The following ITGA2 variants were observed in gnomAD, a reference collection of about 807,000 sequenced individuals.
The protein encoded by ITGA2 is integrin subunit alpha 2.
Under a neutral mutation model 146.3 loss-of-function variants are expected in ITGA2, and 101 were observed. That is an observed-to-expected ratio of 0.69 (90% CI 0.59 to 0.81). ITGA2 has a LOEUF of 0.81. Ranked by LOEUF, ITGA2 falls within the 40% of genes least tolerant of loss-of-function variation. The pLI, the probability that ITGA2 is intolerant of heterozygous loss-of-function variation, is 0.00. For missense variants in ITGA2, 1,281 were observed against 1,402.7 expected (o/e 0.91, Z 1.39); for synonymous variants, 477 against 487.1 (o/e 0.98, Z 0.27).
chr5:53,026,059 G>A (rs1164449340), intron 1 of ITGA2, among the ~76,000 whole-genome samples: 5 of 152,122 alleles, frequency 3.3e-5, no homozygotes, highest in Admixed American at 1.3e-4. Context: ...TCAGAAAGAA[G>A]CATCAAAAAC....
intron 14 of ITGA2, among the ~76,000 whole-genome samples, chr5:53,065,512 A>G (rs1049615750): frequency 4.6e-5 from 7 of 151,896 alleles, no homozygotes; most frequent in South Asian, 2.1e-4. Context: ...TGAGCAGCCA[A>G]TTTTGGAGTA....
At chr5:53,074,540 C>T (rs74450589) in intron 21 of ITGA2, 63 bp downstream of exon 21, 2 of 1,226,082 alleles carry the variant, frequency 1.6e-6, no homozygotes, top group African/African-American at 1.5e-5. Flanking sequence ...GCTAATTTAC[C>T]AACATAACAT....
chr5:53,066,094 T>G, intron 15 of ITGA2, 117 bp downstream of exon 15: 1 of 969,688 alleles, frequency 1.0e-6, no homozygotes, highest in South Asian at 1.3e-5. Context: ...CTATAGGGAA[T>G]CGATGTATCA....
rs1744010992 is a variant in ITGA2, at chr5:53,045,096, A to T, written c.387+4A>T. On this transcript the variant is annotated splice_donor_region_variant and intron_variant, in intron 4 of 29. Transcript: ENST00000296585. ...CATGGGAACTGGAGGTTTTCTCGTGAGTGTTTACTTTACAAATCATTATTC... is the reference window on the plus strand; with the variant it reads ...CATGGGAACTGGAGGTTTTCTCGTGTGTGTTTACTTTACAAATCATTATTC... 6.2e-7 allele frequency: 1 copy of T among 1,605,464 alleles called. No homozygotes were observed. The highest frequency in any genetic ancestry group is 1.3e-5 in the African/African-American group (1 of 74,742).
At chr5:53,007,192 A>G (rs568282470) in intron 1 of ITGA2, among the ~76,000 whole-genome samples, 4 of 152,312 alleles carry the variant, frequency 2.6e-5, no homozygotes, top group African/African-American at 9.6e-5. Flanking sequence ...AACGAGTTGC[A>G]TAAGTGTGTC....
chr5:53,067,001 G>C (rs1745178565), intron 15 of ITGA2, 117 bp from the exon 16 acceptor site: 1 of 1,022,834 alleles, frequency 9.8e-7, no homozygotes, highest in South Asian at 1.4e-5. Flanking sequence ...AAAGTGCTTT[G>C]ATAGAGAGTA....
chr5:53,053,532 G>T (rs998578027), intron 7 of ITGA2, among the ~76,000 whole-genome samples: 11 of 152,090 alleles, frequency 7.2e-5, no homozygotes, highest in African/African-American at 2.7e-4. Flanking sequence ...ATTTTTCCCT[G>T]GAAGGAGCCT....
chr5:52,992,972 C>T (rs1195047724), intron 1 of ITGA2, among the ~76,000 whole-genome samples: 4 of 152,122 alleles, frequency 2.6e-5, no homozygotes, highest in African/African-American at 9.7e-5. Context: ...TTTGTTATGA[C>T]TACACCTGAT....
At chr5:53,072,235 G>A (rs766538922) in intron 18 of ITGA2, among the ~76,000 whole-genome samples, 187 bp downstream of exon 18, 4 of 151,978 alleles carry the variant, frequency 2.6e-5, no homozygotes, top group African/African-American at 9.6e-5. Context: ...TGTCTTTCTT[G>A]TTCACTGCTG....
At chr5:53,032,721 T>C (rs555963573) in intron 2 of ITGA2, among the ~76,000 whole-genome samples, 17 of 152,298 alleles carry the variant, frequency 1.1e-4, no homozygotes, top group Middle Eastern at 6.8e-3. Context: ...GAATTTCCAA[T>C]GTTAGCATCA....
intron 4 of ITGA2, among the ~76,000 whole-genome samples, chr5:53,046,668 A>G (rs1421934): frequency 0.88 from 133,594 of 151,240 alleles, 59,413 homozygotes; most frequent in Admixed American, 0.93. Context: ...TTAGCAGTCC[A>G]GGTAGCAAGC....
At chr5:53,049,089 G>A (rs1017969071) in intron 6 of ITGA2, among the ~76,000 whole-genome samples, 1 of 151,462 alleles carries the variant, frequency 6.6e-6, no homozygotes, top group African/African-American at 2.4e-5. Flanking sequence ...TAGGCTCACT[G>A]CAACCTCTGC....
intron 21 of ITGA2, 140 bp from the exon 22 acceptor site, chr5:53,074,921 C>A: frequency 1.5e-6 from 1 of 658,094 alleles, no homozygotes; most frequent in Non-Finnish European, 2.7e-6. Context: ...TAAAGATATT[C>A]CACAAATTTG....
intron 10 of ITGA2, among the ~76,000 whole-genome samples, chr5:53,058,416 A>G (rs931008153): frequency 2.6e-5 from 4 of 151,898 alleles, no homozygotes; most frequent in African/African-American, 9.7e-5. Context: ...CTTTGAATCA[A>G]TTAACTACTG....
chr5:53,057,906 A>G, intron 9 of ITGA2, 119 bp from the exon 10 acceptor site: 1 of 736,954 alleles, frequency 1.4e-6, no homozygotes, highest in Non-Finnish European at 2.4e-6. Context: ...TGAGTATTGG[A>G]ACAGTGTGTG....
At chr5:53,000,163 A>G (rs1430995967) in intron 1 of ITGA2, among the ~76,000 whole-genome samples, 6 of 152,190 alleles carry the variant, frequency 3.9e-5, no homozygotes. Context: ...TTGCACATAG[A>G]TATAGTTCTT....
chr5:53,051,681 A>G (rs1269092318), intron 7 of ITGA2, 122 bp downstream of exon 7: 2 of 1,001,164 alleles, frequency 2.0e-6, no homozygotes, highest in African/African-American at 3.3e-5. Flanking sequence ...AATTTAAATC[A>G]GAACTAATAA....
At chr5:53,087,183 T>A in intron 28 of ITGA2, 142 bp downstream of exon 28, 1 of 716,306 alleles carries the variant, frequency 1.4e-6, no homozygotes, top group Non-Finnish European at 2.5e-6. Context: ...GTTTATTATG[T>A]TGAGATTTTG....
chr5:53,066,563 A>G (rs1745154453), intron 15 of ITGA2, among the ~76,000 whole-genome samples: 1 of 151,910 alleles, frequency 6.6e-6, no homozygotes, highest in African/African-American at 2.4e-5. Context: ...TATTCAATCA[A>G]GAATCTCCAT....
Sources: gnomAD v4.1 joint callset for allele counts (sites outside exome capture counted in the v4.1 genomes callset) on GRCh38, gnomAD v4.1.1 for gene constraint, MANE v1.5 for transcripts, NCBI Gene and HGNC (gene_info 2026-07-23, HGNC 2026-07-21) for gene names.